Variants in TAB2 observed in about 807,000 individuals in gnomAD.
The protein encoded by TAB2 is TGF-beta activated kinase 1 (MAP3K7) binding protein 2, also known as TGF-beta-activated kinase 1 and MAP3K7-binding protein 2.
A neutral mutation model predicts 65.0 loss-of-function variants in TAB2; 3 were observed. The ratio of observed to expected loss-of-function variants is 0.05; its 90% CI spans 0.02 to 0.12. The LOEUF (loss-of-function observed/expected upper bound fraction) is 0.12. Among genes scored for constraint, TAB2 ranks in the 10% least tolerant of loss-of-function variants. TAB2 has a pLI of 1.00. For synonymous variants in TAB2, 298 were observed against 285.1 expected (o/e 1.05, Z -0.46); for missense variants, 623 against 840.3 (o/e 0.74, Z 3.20).
At chr6:149,277,507 A>T (rs901475954) in intron 1 of TAB2, among the ~76,000 whole-genome samples, 2 of 152,166 alleles carry the variant, frequency 1.3e-5, no homozygotes, top group African/African-American at 2.4e-5. Context: ...AGTGCTTGGA[A>T]AGACAAACCA....
At chr6:149,382,619 A>G (rs540733908) in intron 3 of TAB2, among the ~76,000 whole-genome samples, 116 of 152,154 alleles carry the variant, frequency 7.6e-4, no homozygotes, top group Middle Eastern at 3.4e-3. Context: ...AATTCTAACT[A>G]GGAAGTTAGA....
chr6:149,386,459 C>T (rs953687474), intron 3 of TAB2, among the ~76,000 whole-genome samples: 1 of 151,220 alleles, frequency 6.6e-6, no homozygotes, highest in African/African-American at 2.4e-5. Context: ...CATTACCCCC[C>T]ACCCTCACTC....
chr6:149,401,998 TA>T (rs147141394), intron 6 of TAB2, among the ~76,000 whole-genome samples: 35,112 of 134,162 alleles, frequency 0.26, 4,642 homozygotes, highest in East Asian at 0.63. Flanking sequence ...AATACTACAT[TA>T]AAAAAAAAAA....
rs765126944 is a variant in TAB2 at position 149,397,995 on chromosome 6, T to C, written c.1791T>C (p.Ser597=). The change falls in exon 5 of 7, where the codon AGT becomes AGC. Residue 597 remains serine (S), a synonymous_variant. Transcript: ENST00000637181. ...PSLEEMQQLR[S]CNRQLQIDID... Reference sequence around the variant, plus strand: ...TTGAAGAAATGCAGCAGCTGAGAAGTTGTAATAGACAACTCCAGATTGACA... The same window carrying C: ...TTGAAGAAATGCAGCAGCTGAGAAGCTGTAATAGACAACTCCAGATTGACA... The C allele has an allele frequency of 1.1e-5, 18 of 1,613,860 alleles. No homozygotes were observed. Among genetic ancestry groups the C allele is most frequent in the Non-Finnish European group, 1.4e-5 (16 of 1,179,954 alleles).
intron 1 of TAB2, among the ~76,000 whole-genome samples, chr6:149,275,234 G>GAGAGAGAAAGAAAGAAAGAA (rs1295920060): frequency 1.5e-5 from 1 of 65,404 alleles, no homozygotes; most frequent in Non-Finnish European, 2.6e-5. Context: ...GGGAGAGAGA[G>GAGAGAGAAAGAAAGAAAGAA]AGAAAGAAAG....
chr6:149,258,980 A>G (rs1041323825), intron 1 of TAB2, among the ~76,000 whole-genome samples: 1 of 152,186 alleles, frequency 6.6e-6, no homozygotes, highest in Non-Finnish European at 1.5e-5. Flanking sequence ...AAGGGCCACA[A>G]ACCAAAGAAT....
intron 1 of TAB2, chr6:149,244,224 TCTATC>T (rs1777655413): frequency 6.6e-6 from 1 of 152,274 alleles, no homozygotes; most frequent in Non-Finnish European, 1.5e-5. Flanking sequence ...GATTTATCCT[TCTATC>T]CTTCCTTCCA....
At chr6:149,227,127 C>A (rs1777296834) in intron 1 of TAB2, among the ~76,000 whole-genome samples, 1 of 152,144 alleles carries the variant, frequency 6.6e-6, no homozygotes, top group African/African-American at 2.4e-5. Context: ...AAGAAAGATT[C>A]ACTTCTTCTA....
intron 1 of TAB2, among the ~76,000 whole-genome samples, chr6:149,294,770 G>T (rs1232824983): frequency 6.6e-6 from 1 of 152,166 alleles, no homozygotes; most frequent in African/African-American, 2.4e-5. Context: ...AACTGGAAAG[G>T]CACAGTAGAC....
intron 1 of TAB2, among the ~76,000 whole-genome samples, chr6:149,338,452 AAAGAG>A (rs903121837): frequency 2.0e-5 from 3 of 152,234 alleles, no homozygotes; most frequent in African/African-American, 7.2e-5. Flanking sequence ...AAAGGTAAAG[AAAGAG>A]AAGAGAGAAG....
chr6:149,280,514 T>TA (rs1455612676), intron 1 of TAB2, among the ~76,000 whole-genome samples: 5 of 152,146 alleles, frequency 3.3e-5, no homozygotes, highest in Admixed American at 2.6e-4. Flanking sequence ...GAGGATACAT[T>TA]AAAAGTCATC....
intron 1 of TAB2, among the ~76,000 whole-genome samples, chr6:149,335,112 A>G (rs1048789379): frequency 3.3e-5 from 5 of 151,882 alleles, no homozygotes; most frequent in Non-Finnish European, 5.9e-5. Context: ...TTTTAGTCAC[A>G]GTCAGCAGTA....
At chr6:149,218,920 T>A (rs928529452) in intron 1 of TAB2, 5 of 304,928 alleles carry the variant, frequency 1.6e-5, no homozygotes, top group Non-Finnish European at 3.5e-5. Context: ...AAAATGCCAT[T>A]GAAATCTGTG....
At chr6:149,390,885 T>G (rs931903301) in intron 3 of TAB2, among the ~76,000 whole-genome samples, 3 of 152,178 alleles carry the variant, frequency 2.0e-5, no homozygotes, top group Non-Finnish European at 4.4e-5. Flanking sequence ...ATTTTTAATT[T>G]TTGTTGTTGT....
At chr6:149,357,426 A>AC (rs1554261730) in intron 1 of TAB2, among the ~76,000 whole-genome samples, 1,051 of 73,608 alleles carry the variant, frequency 0.014, 47 homozygotes, top group African/African-American at 0.07. Flanking sequence ...AAGGAGAAAA[A>AC]AAAAACACAC....
intron 1 of TAB2, among the ~76,000 whole-genome samples, chr6:149,237,479 C>T (rs924066605): frequency 6.6e-6 from 1 of 152,172 alleles, no homozygotes; most frequent in Admixed American, 6.5e-5. Context: ...CTACTATGCA[C>T]CCCCATGATG....
intron 1 of TAB2, among the ~76,000 whole-genome samples, chr6:149,358,818 T>C (rs1780755454): frequency 6.6e-6 from 1 of 152,122 alleles, no homozygotes; most frequent in South Asian, 2.1e-4. Flanking sequence ...TTCTCTTCCA[T>C]ATATTCCATT....
chr6:149,372,670 A>T (rs1463496284), intron 2 of TAB2, among the ~76,000 whole-genome samples: 2 of 152,176 alleles, frequency 1.3e-5, no homozygotes, highest in African/African-American at 4.8e-5. Flanking sequence ...GAAACAGACC[A>T]CACTTTTTAA....
At chr6:149,345,232 T>C (rs1206585033) in intron 1 of TAB2, among the ~76,000 whole-genome samples, 1 of 152,144 alleles carries the variant, frequency 6.6e-6, no homozygotes, top group African/African-American at 2.4e-5. Context: ...TTACAAATTA[T>C]GACACTAAGC....
Sources: allele counts gnomAD v4.1 joint callset (sites outside exome capture counted in the v4.1 genomes callset), GRCh38; gene constraint gnomAD v4.1.1; transcripts MANE v1.5; gene names NCBI Gene and HGNC (gene_info 2026-07-23, HGNC 2026-07-21).